Variants in COMMD4 observed in about 807,000 individuals in gnomAD.
COMMD4 encodes the protein COMM domain-containing protein 4.
COMMD4 carries 18 observed loss-of-function variants against 27.5 expected under a neutral mutation model. The observed-to-expected ratio is 0.65, with a 90% CI of 0.45 to 0.97. The LOEUF (loss-of-function observed/expected upper bound fraction) is 0.97. COMMD4 is among the 50% of genes least tolerant of loss of function. The pLI is 0.00. For missense variants in COMMD4, 243 were observed against 250.0 expected (o/e 0.97, Z 0.19); for synonymous variants, 108 against 108.4 (o/e 1.00, Z 0.02).
At chr15:75,342,377 A>G (rs1242912337), downstream of COMMD4, 2 of 152,128 alleles carry the variant, frequency 1.3e-5, no homozygotes, top group African/African-American at 4.8e-5. Context: ...TGTCTCTACA[A>G]AAAGTAAAAA....
intron 4 of COMMD4, 22 bp from the exon 5 acceptor site, chr15:75,338,963 G>A: frequency 1.2e-6 from 2 of 1,613,860 alleles, no homozygotes; most frequent in African/African-American, 1.3e-5. Flanking sequence ...GACACCCCCT[G>A]CCCCACCCAC....
chr15:75,336,571 A>C (rs1459698731), intron 1 of COMMD4: 3 of 234,262 alleles, frequency 1.3e-5, no homozygotes, highest in Non-Finnish European at 2.5e-5. Flanking sequence ...AGACTTATCC[A>C]TCCATCCATC....
At chr15:75,337,102 G>A (rs973905497) in intron 1 of COMMD4, 14 of 152,242 alleles carry the variant, frequency 9.2e-5, no homozygotes, top group African/African-American at 3.1e-4. Flanking sequence ...AATCAAGAAA[G>A]GCTGTTCTGG....
Position 75,336,087 on chromosome 15 carries a change from G to T in COMMD4, c.-3G>T, listed in dbSNP as rs1351410381. ...AATTCCCGGGCCCTGGCTTCTTGGC[G>T]CGATGGTGAGGCACTAGGGGCGAAG... On this transcript the variant is annotated 5_prime_UTR_variant, in exon 1 of 8. Coordinates refer to ENST00000267935, the MANE Select transcript of COMMD4 (RefSeq NM_017828.5). 1.3e-6 allele frequency: 2 copies of T among 1,549,770 alleles called. No individual in the cohort carries two copies. The highest frequency in any genetic ancestry group is 1.2e-5 in the South Asian group (1 of 83,972).
downstream of COMMD4, chr15:75,340,284 G>GAAT (rs1157147161): frequency 7.2e-5 from 35 of 487,882 alleles, no homozygotes; most frequent in African/African-American, 6.7e-4. Flanking sequence ...TGTGTGCAGG[G>GAAT]GGTTCTGTTT....
At chr15:75,342,793 C>T (rs2071438475), downstream of COMMD4, 2 of 152,078 alleles carry the variant, frequency 1.3e-5, no homozygotes, top group African/African-American at 4.8e-5. Context: ...AATGGATATC[C>T]TAATTAGCCT....
chr15:75,339,757 G>C lies in COMMD4; in HGVS notation c.438G>C (p.Leu146=). 2 of 1,613,842 alleles carry C rather than the reference G, an allele frequency of 1.2e-6. No homozygotes were observed. Among genetic ancestry groups the C allele is most frequent in the Middle Eastern group, 1.6e-4 (1 of 6,062 alleles). The change falls in exon 7 of 8, where the codon CTG becomes CTC. Residue 146 remains leucine, a synonymous_variant. Transcript: ENST00000267935. ...WRVDYTLSSS[L]LQSVEEPMVH... ...TGGACTACACCCTGAGCTCCAGCCT[G>C]CTGCAATCCGTGGAAGAGCCCATGG...
intron 1 of COMMD4, chr15:75,336,503 CA>C: frequency 2.3e-6 from 1 of 435,814 alleles, no homozygotes; most frequent in Non-Finnish European, 4.1e-6. Context: ...CACTCTTCCA[CA>C]CTGTTAGGAA....
At chr15:75,338,587 G>T in intron 3 of COMMD4, 59 bp from the exon 4 acceptor site, 1 of 1,602,786 alleles carries the variant, frequency 6.2e-7, no homozygotes, top group Non-Finnish European at 8.5e-7. Context: ...ATCCAGGCTG[G>T]GGGTGAGGGG....
chr15:75,338,772 A>G (rs1460137068), intron 4 of COMMD4, 87 bp downstream of exon 4: 10 of 1,479,864 alleles, frequency 6.8e-6, no homozygotes, highest in African/African-American at 1.4e-5. Flanking sequence ...CACCCCTCCC[A>G]GCAGCATCCT....
At chr15:75,341,773 T>C (rs1423933591), downstream of COMMD4, 1 of 152,076 alleles carries the variant, frequency 6.6e-6, no homozygotes, top group South Asian at 2.1e-4. Flanking sequence ...GGAAAAAGTA[T>C]TCAAAAAAAT....
At chr15:75,338,827 G>A (rs769083295) in intron 4 of COMMD4, 142 bp downstream of exon 4, 18 of 1,424,624 alleles carry the variant, frequency 1.3e-5, no homozygotes, top group South Asian at 3.6e-5. Flanking sequence ...AAGAAAGACC[G>A]ACAGTCCCAC....
chr15:75,342,055 T>C (rs904666623), downstream of COMMD4: 1 of 105,742 alleles, frequency 9.5e-6, no homozygotes, highest in Non-Finnish European at 1.7e-5. Flanking sequence ...ATAACAGAGC[T>C]GAGACCCTGT....
intron 3 of COMMD4, 109 bp downstream of exon 3, chr15:75,338,529 T>G: frequency 6.4e-7 from 1 of 1,568,930 alleles, no homozygotes; most frequent in Non-Finnish European, 8.7e-7. Context: ...TCAACCTCTC[T>G]GGGCACCTCC....
At chr15:75,338,948 A>G in intron 4 of COMMD4, 37 bp from the exon 5 acceptor site, 1 of 1,613,748 alleles carries the variant, frequency 6.2e-7, no homozygotes. Context: ...GGCTGGACCC[A>G]CAGTGACACC....
At position 75,336,101 on chromosome 15, in the gene COMMD4, C is replaced by T. The variant is rs1273791085; in HGVS notation, c.3+9C>T. On this transcript the variant is annotated intron_variant, in intron 1 of 7. Coordinates refer to ENST00000267935, the MANE Select transcript of COMMD4 (RefSeq NM_017828.5). ...GGCTTCTTGGCGCGATGGTGAGGCA[C>T]TAGGGGCGAAGCGAGGCTTGGGCTG... The T allele has an allele frequency of 3.9e-6, 6 of 1,549,612 alleles. No individual in the cohort carries two copies. Among genetic ancestry groups the T allele is most frequent in the South Asian group, 3.6e-5 (3 of 83,978 alleles).
Position 75,339,037 on chromosome 15 carries a change from T to C in COMMD4, c.234T>C (p.Ser78=). The C allele has an allele frequency of 1.2e-6, 2 of 1,613,862 alleles. No homozygotes were observed. Among genetic ancestry groups the C allele is most frequent in the Non-Finnish European group, 1.7e-6 (2 of 1,179,890 alleles). Residue 78 remains serine (S), a synonymous_variant, in exon 5 of 8, where the codon AGT becomes AGC. Coordinates refer to ENST00000267935, the MANE Select transcript of COMMD4 (RefSeq NM_017828.5). ...TVAVLSFILS[S]AAKHSVDGES... is the part of the protein sequence containing the mutation. ...CAGTGCTGAGTTTCATCCTCTCCAG[T>C]GCGGCCAAGCACAGTGTCGATGGCG... is the stretch of plus-strand genomic sequence containing the variant.
chr15:75,339,638 T>TGTCGG (rs2071373358), intron 6 of COMMD4, 64 bp from the exon 7 acceptor site: 2 of 1,495,794 alleles, frequency 1.3e-6, no homozygotes, highest in South Asian at 2.6e-5. Context: ...TGAGCCAGGG[T>TGTCGG]GTCGGCTGAG....
At chr15:75,343,006 G>T (rs2071439876), downstream of COMMD4, 1 of 152,108 alleles carries the variant, frequency 6.6e-6, no homozygotes, top group Non-Finnish European at 1.5e-5. Context: ...TTTTTGTAGA[G>T]ACTGGGTTTC....
Sources: gnomAD v4.1 joint callset for allele counts on GRCh38, gnomAD v4.1.1 for gene constraint, MANE v1.5 for transcripts, NCBI Gene and HGNC (gene_info 2026-07-23, HGNC 2026-07-21) for gene names.